Variants in FAM135B observed in about 807,000 individuals in gnomAD.
The protein encoded by FAM135B is family with sequence similarity 135 member B.
FAM135B carries 43 observed loss-of-function variants against 127.7 expected under a neutral mutation model. The observed-to-expected ratio is 0.34, with a 90% CI of 0.26 to 0.43. The LOEUF (loss-of-function observed/expected upper bound fraction) is 0.43, where lower values mean the gene tolerates loss of function less well. FAM135B is among the 20% of genes least tolerant of loss of function. The pLI, the probability that FAM135B is intolerant of heterozygous loss-of-function variation, is 1.00. For missense variants in FAM135B, 1,558 were observed against 1,725.6 expected, an observed-to-expected ratio of 0.90 and a Z score of 1.72; for synonymous variants, 670 against 665.1, an observed-to-expected ratio of 1.01 and a Z score of -0.11.
chr8:138,458,364 G>A (rs1836919100), intron 1 of FAM135B, among the ~76,000 whole-genome samples: 1 of 152,164 alleles, frequency 6.6e-6, no homozygotes, highest in Non-Finnish European at 1.5e-5. Flanking sequence ...TAGTCTGTCA[G>A]GAGTCAAAAT....
chr8:138,230,405 G>A (rs1049884419), intron 7 of FAM135B, among the ~76,000 whole-genome samples: 8 of 152,144 alleles, frequency 5.3e-5, no homozygotes, highest in African/African-American at 1.9e-4. Context: ...CTACCCTTCA[G>A]AATGTACAAT....
At position 138,212,451 on chromosome 8, in the gene FAM135B, C is replaced by T. The variant is rs569279514; in HGVS notation, c.670-14782G>A. On this transcript the variant is annotated intron_variant, in intron 7 of 19. Transcript: ENST00000395297. ...GAGGGAAAAAGGAAATAAGAGGGAA[C>T]TAAAGCCTCCTTTTCCTGCAGTCTC... is the stretch of plus-strand genomic sequence containing the variant. Among the ~76,000 whole-genome samples, 29 of 152,306 alleles carry T rather than the reference C, an allele frequency of 1.9e-4. No individual in the cohort carries two copies. In the South Asian group the frequency reaches 5.4e-3, roughly 28 times the overall value.
chr8:138,348,554 C>G (rs1829570134), intron 2 of FAM135B, among the ~76,000 whole-genome samples: 1 of 152,212 alleles, frequency 6.6e-6, no homozygotes, highest in Non-Finnish European at 1.5e-5. Context: ...ATTTTCTTCC[C>G]TGGCAGTAGC....
chr8:138,323,643 G>A (rs1263661422), intron 2 of FAM135B, among the ~76,000 whole-genome samples: 1 of 152,194 alleles, frequency 6.6e-6, no homozygotes, highest in African/African-American at 2.4e-5. Context: ...TCTTGTGCTA[G>A]TTAAGCACAG....
rs374136718 is a variant in FAM135B at position 138,153,120 on chromosome 8, C to T, written c.1355G>A (p.Ser452Asn). 31 of 1,613,878 alleles carry T rather than the reference C, an allele frequency of 1.9e-5. No individual in the cohort carries two copies. The African/African-American group carries it at 3.5e-4, about 18-fold the overall frequency. Residue 452 changes from serine (S) to asparagine (N), a missense_variant, in exon 13 of 20, where the codon AGC becomes AAC. By Grantham distance (46) the Ser-to-Asn change is conservative. Transcript: ENST00000395297. ...KDKEDNCMVN[S>N]NLSFREDLVL... ...AAGGTCTTCCCTAAAAGATAAATTG[C>T]TATTTACCATACAGTTATCTTCCTT...
intron 1 of FAM135B, among the ~76,000 whole-genome samples, chr8:138,451,540 C>T (rs900895197): frequency 6.6e-6 from 1 of 152,224 alleles, no homozygotes; most frequent in African/African-American, 2.4e-5. Context: ...ACAACCCCTA[C>T]AGCAGAATTT....
Position 138,198,512 on chromosome 8 carries a change from G to A in FAM135B, c.670-843C>T, listed in dbSNP as rs562658837. Among the ~76,000 whole-genome samples, 15 of 152,304 alleles carry A rather than the reference G, an allele frequency of 9.8e-5. No individual in the cohort carries two copies. In the South Asian group the frequency reaches 1.2e-3, roughly 13 times the overall value. The stretch of plus-strand genomic sequence containing the variant: ...GTAGCAGGTGGGTGAGCAGTAGGTC[G>A]TGCTGAAAAGGAGGAAAAGAAAGTG... On this transcript the variant is annotated intron_variant, in intron 7 of 19. Transcript: ENST00000395297.
rs542225989 is a variant in FAM135B, at chr8:138,410,868, A to C, written c.-19-42866T>G. Among the ~76,000 whole-genome samples, 14 of 152,308 alleles carry C rather than the reference A, an allele frequency of 9.2e-5. No individual in the cohort carries two copies. The South Asian group carries it at 2.7e-3, about 29-fold the overall frequency. On this transcript the variant is annotated intron_variant, in intron 1 of 19. Transcript: ENST00000395297. ...CAACAGACAAACAGAGAGCCAAATC[A>C]TGAGTGAACTCCCATTCACAATTGC...
intron 7 of FAM135B, among the ~76,000 whole-genome samples, chr8:138,220,172 A>T (rs1818918461): frequency 6.6e-6 from 1 of 152,052 alleles, no homozygotes; most frequent in Non-Finnish European, 1.5e-5. Flanking sequence ...GAACTAAAGC[A>T]GGTATATAAC....
intron 2 of FAM135B, among the ~76,000 whole-genome samples, chr8:138,323,267 A>C (rs73716801): frequency 0.011 from 1,695 of 152,238 alleles, 32 homozygotes; most frequent in African/African-American, 0.039. Context: ...CACTATCCCT[A>C]AACTTCTCTT....
Position 138,153,162 on chromosome 8 carries a change from A to T in FAM135B, c.1313T>A (p.Ile438Lys), listed in dbSNP as rs1259844377. 6.2e-7 allele frequency: 1 copy of T among 1,605,904 alleles called. No homozygotes were observed. Among genetic ancestry groups the T allele is most frequent in the African/African-American group, 1.3e-5 (1 of 74,830 alleles). The change falls in exon 13 of 20, where the codon ATA becomes AAA. Residue 438 changes from isoleucine to lysine, a missense_variant. This residue lies in a region of FAM135B where 923 missense variants were observed against 865.3 expected (regional missense o/e 1.07). Transcript: ENST00000395297. ...NFDVPVTSPT[I>K]MNLKDKEDNC... ...ATCTTCCTTGTCTTTCAGATTCATT[A>T]TTGTAGGACTTGTCACTGGAACATC...
chr8:138,461,816 C>G (rs1837138505), intron 1 of FAM135B, among the ~76,000 whole-genome samples: 1 of 152,140 alleles, frequency 6.6e-6, no homozygotes, highest in South Asian at 2.1e-4. Flanking sequence ...CCCTTGATTT[C>G]TTTTTAAAAC....
In FAM135B at chr8:138,368,543, T is replaced by C. The variant is rs529785186; in HGVS notation, c.-19-541A>G. The stretch of plus-strand genomic sequence containing the variant: ...ACTGAATAAGTTTTTGCTACCATTG[T>C]TAATAATAATTTAAAATGATTTTAT... On this transcript the variant is annotated intron_variant, in intron 1 of 19. Transcript: ENST00000395297. 3.9e-5 allele frequency among the ~76,000 whole-genome samples: 6 copies of C among 152,320 alleles called. No homozygotes were observed. The South Asian group carries it at 1.0e-3, about 26-fold the overall frequency.
Position 138,243,081 on chromosome 8 carries a change from T to G in FAM135B, c.543-13A>C, listed in dbSNP as rs780937306. The G allele has an allele frequency of 5.0e-6, 8 of 1,602,140 alleles. No individual in the cohort carries two copies. Among genetic ancestry groups the G allele is most frequent in the Admixed American group, 1.7e-5 (1 of 57,520 alleles). On this transcript the variant is annotated splice_polypyrimidine_tract_variant and intron_variant, in intron 6 of 19. Transcript: ENST00000395297. This position sits in a 1 kb window ranked among gnomAD's most constrained non-coding sequence, Gnocchi z 7.5. ...TGGACGAGTAAAACTAAACAAAAGATAATTGAAAGGGTGAAAAAGGAGGTA... is the reference window on the plus strand; with the variant it reads ...TGGACGAGTAAAACTAAACAAAAGAGAATTGAAAGGGTGAAAAAGGAGGTA...
At chr8:138,257,892 AAAAATAAAAC>A (rs1234123970) in intron 4 of FAM135B, among the ~76,000 whole-genome samples, 143 of 142,280 alleles carry the variant, frequency 1.0e-3, no homozygotes, top group Non-Finnish European at 1.6e-3. Flanking sequence ...AAATAAAAAA[AAAAATAAAAC>A]AAAACAAAAC....
At chr8:138,212,120 G>A (rs1014619590) in intron 7 of FAM135B, among the ~76,000 whole-genome samples, 1 of 152,118 alleles carries the variant, frequency 6.6e-6, no homozygotes, top group African/African-American at 2.4e-5. Context: ...TATTAGCAAC[G>A]TGGTGAGGAG....
At chr8:138,278,662 A>C (rs1824027314) in intron 3 of FAM135B, among the ~76,000 whole-genome samples, 1 of 147,028 alleles carries the variant, frequency 6.8e-6, no homozygotes, top group East Asian at 2.0e-4. Flanking sequence ...CTCCCAGTTC[A>C]AGCGATTTTC....
At chr8:138,441,907 G>C (rs569315736) in intron 1 of FAM135B, 1 of 151,836 alleles carries the variant, frequency 6.6e-6, no homozygotes, top group East Asian at 1.9e-4. Context: ...AATAATTACA[G>C]AGCAAAAGAG....
intron 2 of FAM135B, chr8:138,367,451 G>A (rs1008338469): frequency 2.2e-5 from 10 of 456,776 alleles, no homozygotes; most frequent in African/African-American, 2.0e-4. Context: ...TATATGAATT[G>A]ATGTTTGCAA....
Sources: gnomAD v4.1 joint callset for allele counts (sites outside exome capture counted in the v4.1 genomes callset) on GRCh38, gnomAD v4.1.1 for gene constraint, gnomAD v4.1.1 regional missense constraint, Gnocchi (gnomAD v3.1) non-coding constraint, MANE v1.5 for transcripts, NCBI Gene and HGNC (gene_info 2026-07-23, HGNC 2026-07-21) for gene names.